RALYL: variants seen among roughly 807,000 people sequenced by gnomAD.
The protein encoded by RALYL is RALY RNA binding protein like, also known as RNA-binding Raly-like protein.
RALYL carries 29 observed loss-of-function variants against 35.1 expected under a neutral mutation model. The observed-to-expected ratio is 0.83, with a 90% CI of 0.61 to 1.13. RALYL has a LOEUF of 1.13. Among genes scored for constraint, RALYL ranks in the 50% most tolerant of loss-of-function variants. The probability of loss-of-function intolerance (pLI) is 0.00; values close to 1 mark genes in which losing one functional copy is unlikely to be tolerated. For missense variants in RALYL, 359 were observed against 360.4 expected (o/e 1.00, Z 0.03); for synonymous variants, 120 against 127.6 (o/e 0.94, Z 0.40).
At chr8:84,624,034 A>C (rs773129979) in intron 2 of RALYL, among the ~76,000 whole-genome samples, 1 of 152,184 alleles carries the variant, frequency 6.6e-6, no homozygotes, top group Non-Finnish European at 1.5e-5. Context: ...AAAGAGTTGA[A>C]GTTTTCACTT....
Position 84,442,210 on chromosome 8 carries a change from G to C in RALYL, c.-23-87089G>C, listed in dbSNP as rs185299027. On this transcript the variant is annotated intron_variant, in intron 1 of 8. Coordinates refer to ENST00000521268, the MANE Select transcript of RALYL (RefSeq NM_173848.7). ...AAATTTTCTTGTTATACTCATTTTTGTGTAAATATGAAAAAAGATTATAAA... is the reference window on the plus strand; with the variant it reads ...AAATTTTCTTGTTATACTCATTTTTCTGTAAATATGAAAAAAGATTATAAA... Among the ~76,000 whole-genome samples, 124 of 152,028 alleles carry C rather than the reference G, an allele frequency of 8.2e-4. No individual in the cohort carries two copies. The East Asian group carries it at 0.017, about 21-fold the overall frequency.
At chr8:84,748,693 T>C (rs907739621) in intron 2 of RALYL, among the ~76,000 whole-genome samples, 15 of 152,134 alleles carry the variant, frequency 9.9e-5, no homozygotes, top group Non-Finnish European at 1.6e-4. Flanking sequence ...TAATATTTAA[T>C]CCTTGACCAG....
At chr8:84,723,376 C>G (rs1844356246) in intron 2 of RALYL, among the ~76,000 whole-genome samples, 1 of 151,918 alleles carries the variant, frequency 6.6e-6, no homozygotes, top group South Asian at 2.1e-4. Flanking sequence ...CGATTTGAAC[C>G]TAAAGTTATC....
chr8:84,444,507 G>A (rs783790), intron 1 of RALYL, among the ~76,000 whole-genome samples: 8,344 of 152,122 alleles, frequency 0.055, 264 homozygotes, highest in Middle Eastern at 0.075. Flanking sequence ...TACCAGCAGA[G>A]TTTTCAGCAG....
chr8:84,353,693 TG>T (rs1851324573), intron 1 of RALYL, among the ~76,000 whole-genome samples: 1 of 150,394 alleles, frequency 6.6e-6, no homozygotes, highest in African/African-American at 2.5e-5. Flanking sequence ...TTCTAACTTA[TG>T]AAAAAAACAT....
intron 1 of RALYL, among the ~76,000 whole-genome samples, chr8:84,188,111 C>T (rs1055006134): frequency 1.1e-4 from 16 of 151,696 alleles, no homozygotes; most frequent in African/African-American, 3.9e-4. Context: ...TTTATTTTTT[C>T]TTTCCAACTT....
At chr8:84,893,026 G>T (rs1336762759) in intron 8 of RALYL, among the ~76,000 whole-genome samples, 1 of 152,120 alleles carries the variant, frequency 6.6e-6, no homozygotes, top group African/African-American at 2.4e-5. Context: ...AACTAACTGA[G>T]GATAAAGGCC....
At chr8:84,432,443 T>C (rs1313514023) in intron 1 of RALYL, among the ~76,000 whole-genome samples, 1 of 152,100 alleles carries the variant, frequency 6.6e-6, no homozygotes. Flanking sequence ...AGAAATCTAC[T>C]GTATTAAATC....
chr8:84,733,024 C>T (rs969413347), intron 2 of RALYL, among the ~76,000 whole-genome samples: 1 of 151,958 alleles, frequency 6.6e-6, no homozygotes, highest in African/African-American at 2.4e-5. Context: ...AATTAGTATG[C>T]ATTTTACCTT....
chr8:84,436,555 T>G (rs1274980598), intron 1 of RALYL, among the ~76,000 whole-genome samples: 3 of 147,530 alleles, frequency 2.0e-5, no homozygotes, highest in African/African-American at 5.0e-5. Flanking sequence ...TTTTTTTTTT[T>G]TTTTTTTTTT....
At chr8:84,915,368 A>T (rs1848306001) in intron 8 of RALYL, among the ~76,000 whole-genome samples, 1 of 152,038 alleles carries the variant, frequency 6.6e-6, no homozygotes. Context: ...CCATCTTAGA[A>T]GATCTCACCT....
intron 1 of RALYL, among the ~76,000 whole-genome samples, chr8:84,520,091 G>T (rs184427430): frequency 8.7e-4 from 133 of 152,304 alleles, no homozygotes; most frequent in African/African-American, 3.1e-3. Context: ...AGTGGGTACT[G>T]ACCTTGACTG....
chr8:84,193,448 A>T (rs1214714157), intron 1 of RALYL, among the ~76,000 whole-genome samples: 1 of 152,190 alleles, frequency 6.6e-6, no homozygotes, highest in Admixed American at 6.5e-5. Context: ...TTCATTAGTT[A>T]AACTAAGTAA....
At chr8:84,638,668 G>T (rs926337619) in intron 2 of RALYL, among the ~76,000 whole-genome samples, 1 of 150,472 alleles carries the variant, frequency 6.6e-6, no homozygotes, top group Non-Finnish European at 1.5e-5. Context: ...GGAACTAAAA[G>T]GTTCTGAGAA....
chr8:84,631,662 T>C (rs1347421494), intron 2 of RALYL, among the ~76,000 whole-genome samples: 1 of 151,800 alleles, frequency 6.6e-6, no homozygotes, highest in Non-Finnish European at 1.5e-5. Context: ...GAATTCAGGA[T>C]AGAGGAAGAC....
intron 2 of RALYL, among the ~76,000 whole-genome samples, chr8:84,568,927 A>T (rs1334083220): frequency 1.3e-5 from 2 of 150,684 alleles, no homozygotes; most frequent in African/African-American, 4.9e-5. Flanking sequence ...GTTTGAGTTC[A>T]TTGTAGATTC....
intron 1 of RALYL, among the ~76,000 whole-genome samples, chr8:84,359,753 A>G (rs1852567431): frequency 6.6e-6 from 1 of 152,178 alleles, no homozygotes; most frequent in South Asian, 2.1e-4. Context: ...ATTTGCAAAT[A>G]TAATCTCTAC....
intron 4 of RALYL, among the ~76,000 whole-genome samples, chr8:84,844,553 C>T (rs1261680484): frequency 3.5e-4 from 54 of 152,214 alleles, no homozygotes; most frequent in Non-Finnish European, 7.3e-5. Flanking sequence ...TTGTGGAAGT[C>T]AGTGTGGCAA....
chr8:84,481,912 C>G (rs568869552), intron 1 of RALYL, among the ~76,000 whole-genome samples: 1 of 152,126 alleles, frequency 6.6e-6, no homozygotes, highest in Non-Finnish European at 1.5e-5. Flanking sequence ...ATACAATTAT[C>G]AACTCTCATA....
Sources: gnomAD v4.1 joint callset for allele counts (sites outside exome capture counted in the v4.1 genomes callset) on GRCh38, gnomAD v4.1.1 for gene constraint, MANE v1.5 for transcripts, NCBI Gene and HGNC (gene_info 2026-07-23, HGNC 2026-07-21) for gene names.